Variants in CCDC38 observed in about 807,000 individuals in gnomAD.
CCDC38 encodes coiled-coil domain-containing protein 38.
Under a neutral mutation model 72.8 loss-of-function variants are expected in CCDC38, and 69 were observed. That is an observed-to-expected ratio of 0.95 (90% CI 0.78 to 1.16). CCDC38 has a LOEUF of 1.16. Ranked by LOEUF, CCDC38 falls within the 50% of genes most tolerant of loss-of-function variation. CCDC38 has a pLI of 0.00. For synonymous variants in CCDC38, 201 were observed against 213.2 expected (o/e 0.94, Z 0.50); for missense variants, 626 against 638.9 (o/e 0.98, Z 0.22).
intron 14 of CCDC38, 128 bp from the exon 15 acceptor site, chr12:95,869,701 A>T: frequency 1.5e-6 from 1 of 654,776 alleles, no homozygotes; most frequent in East Asian, 2.9e-5. Flanking sequence ...ATGACACTTC[A>T]TCTTTACTCA....
chr12:95,877,900 AAC>A (rs1457930489), intron 13 of CCDC38, among the ~76,000 whole-genome samples: 1 of 152,246 alleles, frequency 6.6e-6, no homozygotes, highest in Non-Finnish European at 1.5e-5. Flanking sequence ...CCAAAATGAT[AAC>A]ACACAGTGAA....
At chr12:95,918,552 T>A (rs978678346) in intron 3 of CCDC38, among the ~76,000 whole-genome samples, 2 of 152,222 alleles carry the variant, frequency 1.3e-5, no homozygotes, top group Non-Finnish European at 2.9e-5. Context: ...CCCATCTATG[T>A]AAGCTAGGTA....
chr12:95,885,870 C>T (rs895386730), intron 10 of CCDC38: 1 of 152,132 alleles, frequency 6.6e-6, no homozygotes, highest in African/African-American at 2.4e-5. Flanking sequence ...AGAACCAGTT[C>T]CATTAATACT....
At chr12:95,918,040 T>C (rs891292495) in intron 3 of CCDC38, among the ~76,000 whole-genome samples, 3 of 152,194 alleles carry the variant, frequency 2.0e-5, no homozygotes, top group African/African-American at 7.2e-5. Flanking sequence ...TGAGGAACCA[T>C]CGCATACAGA....
intron 1 of CCDC38, among the ~76,000 whole-genome samples, chr12:95,937,542 TG>T (rs1329136091): frequency 6.6e-6 from 1 of 152,226 alleles, no homozygotes; most frequent in Non-Finnish European, 1.5e-5. Context: ...ATATTCATTT[TG>T]GGGATAAAGG....
intron 4 of CCDC38, among the ~76,000 whole-genome samples, chr12:95,910,360 A>AGAGGT (rs1265236185): frequency 6.6e-6 from 1 of 152,132 alleles, no homozygotes; most frequent in Non-Finnish European, 1.5e-5. Context: ...TTGTAAACAA[A>AGAGGT]GAGGTGTAAG....
intron 4 of CCDC38, 56 bp from the exon 5 acceptor site, chr12:95,906,507 TATAAA>T: frequency 8.2e-7 from 1 of 1,220,078 alleles, no homozygotes; most frequent in Admixed American, 1.9e-5. Context: ...AAAAATGCTG[TATAAA>T]ATAAAAGCCA....
chr12:95,906,833 T>C (rs891939438), intron 4 of CCDC38, among the ~76,000 whole-genome samples: 1 of 148,708 alleles, frequency 6.7e-6, no homozygotes, highest in Non-Finnish European at 1.5e-5. Flanking sequence ...TATTTATTTG[T>C]TTGTTTTTTA....
At chr12:95,893,249 A>C (rs1350648145) in intron 8 of CCDC38, among the ~76,000 whole-genome samples, 1 of 148,898 alleles carries the variant, frequency 6.7e-6, no homozygotes, top group African/African-American at 2.6e-5. Flanking sequence ...CATTAAGGTT[A>C]TTGTTGTTTT....
At chr12:95,917,866 C>CAAAAA (rs34424423) in intron 3 of CCDC38, among the ~76,000 whole-genome samples, 7 of 99,150 alleles carry the variant, frequency 7.1e-5, no homozygotes, top group Non-Finnish European at 1.7e-4. Context: ...GCAAGACTGT[C>CAAAAA]AAAAAAAAAA....
intron 4 of CCDC38, among the ~76,000 whole-genome samples, chr12:95,908,330 CGCGCGCCTGCAATCGCA>C (rs1293205221): frequency 1.3e-5 from 2 of 149,800 alleles, no homozygotes; most frequent in African/African-American, 4.9e-5. Flanking sequence ...GGCGTGGCGG[CGCGCGCCTGCAATCGCA>C]GGCACTCGGC....
chr12:95,902,226 T>G (rs780451456), intron 5 of CCDC38, among the ~76,000 whole-genome samples: 130 of 152,302 alleles, frequency 8.5e-4, no homozygotes, highest in African/African-American at 2.4e-3. Flanking sequence ...GGTATAACTA[T>G]CCAATAAACT....
intron 2 of CCDC38, among the ~76,000 whole-genome samples, chr12:95,929,512 C>T (rs958603841): frequency 3.3e-5 from 5 of 152,174 alleles, no homozygotes; most frequent in Admixed American, 6.5e-5. Flanking sequence ...GCGTTGCTCA[C>T]GCTGGGAGCT....
intron 8 of CCDC38, among the ~76,000 whole-genome samples, chr12:95,892,716 T>C (rs1231286041): frequency 6.6e-6 from 1 of 151,704 alleles, no homozygotes; most frequent in Non-Finnish European, 1.5e-5. Flanking sequence ...ATTACAGGCA[T>C]GCGCCACCAT....
chr12:95,942,382 T>TA (rs1555233985), intron 1 of CCDC38, 49 bp downstream of exon 1: 1 of 150,932 alleles, frequency 6.6e-6, no homozygotes, highest in Non-Finnish European at 1.5e-5. Context: ...AGCTGAGGGG[T>TA]GGGAGGGGGC....
intron 2 of CCDC38, chr12:95,919,340 G>A (rs1202314315): frequency 2.7e-6 from 1 of 366,020 alleles, no homozygotes; most frequent in South Asian, 2.1e-5. Context: ...TGAGCACTCA[G>A]CAGTGTATGA....
intron 7 of CCDC38, among the ~76,000 whole-genome samples, chr12:95,895,524 G>A (rs2079877225): frequency 6.6e-6 from 1 of 152,096 alleles, no homozygotes; most frequent in African/African-American, 2.4e-5. Context: ...GGCCAAGGCA[G>A]GCAGATCACC....
intron 4 of CCDC38, among the ~76,000 whole-genome samples, chr12:95,911,480 A>G (rs2080093595): frequency 6.6e-6 from 1 of 152,218 alleles, no homozygotes; most frequent in African/African-American, 2.4e-5. Context: ...AGCTATGTAT[A>G]TTCGCAACCT....
chr12:95,873,132 G>A (rs4762634), intron 13 of CCDC38, among the ~76,000 whole-genome samples: 52,007 of 151,820 alleles, frequency 0.34, 9,322 homozygotes, highest in South Asian at 0.49. Context: ...TTTCCTTTTG[G>A]CACAATATGT....
Sources: allele counts gnomAD v4.1 joint callset (sites outside exome capture counted in the v4.1 genomes callset), GRCh38; gene constraint gnomAD v4.1.1; transcripts MANE v1.5; gene names NCBI Gene and HGNC (gene_info 2026-07-23, HGNC 2026-07-21).